ENTHD1: variants seen among roughly 807,000 people sequenced by gnomAD.
ENTHD1 encodes the protein ENTH domain containing 1, also known as ENTH domain-containing protein 1.
ENTHD1 carries 23 observed loss-of-function variants against 39.1 expected under a neutral mutation model. The ratio of observed to expected loss-of-function variants is 0.59; its 90% CI spans 0.42 to 0.83. ENTHD1 has a LOEUF of 0.83. ENTHD1 is among the 40% of genes least tolerant of loss of function. The pLI is 0.00. For synonymous variants in ENTHD1, 230 were observed against 258.2 expected (o/e 0.89, Z 1.05); for missense variants, 624 against 705.4 (o/e 0.88, Z 1.31).
chr22:39,831,955 T>C (rs1005159579), intron 4 of ENTHD1, among the ~76,000 whole-genome samples: 4 of 152,136 alleles, frequency 2.6e-5, no homozygotes, highest in African/African-American at 7.2e-5. Flanking sequence ...CAGGCAGATA[T>C]GAAATAAGTA....
At position 39,853,288 on chromosome 22, in the gene ENTHD1, T is replaced by C. The variant is rs541915135; in HGVS notation, c.592+8477A>G. Among the ~76,000 whole-genome samples the C allele has an allele frequency of 2.0e-5, 3 of 152,074 alleles. No individual in the cohort carries two copies. The East Asian group carries it at 5.8e-4, about 29-fold the overall frequency. Reference sequence around the variant, plus strand: ...AAACTTAAAAATAAAGACCAAAACATTTGGGAGGCCGAGGCAGGCAGATCA... The same window carrying C: ...AAACTTAAAAATAAAGACCAAAACACTTGGGAGGCCGAGGCAGGCAGATCA... On this transcript the variant is annotated intron_variant, in intron 3 of 6. Coordinates refer to ENST00000325157, the MANE Select transcript of ENTHD1 (RefSeq NM_152512.4).
chr22:39,758,965 G>A (rs1569127970), intron 6 of ENTHD1, among the ~76,000 whole-genome samples: 3 of 152,074 alleles, frequency 2.0e-5, no homozygotes. Context: ...ATCCCACTTG[G>A]TCATGATGTA....
chr22:39,783,859 A>G (rs1481376915), intron 5 of ENTHD1, among the ~76,000 whole-genome samples: 2 of 152,178 alleles, frequency 1.3e-5, no homozygotes, highest in Non-Finnish European at 2.9e-5. Flanking sequence ...TTGTGTTAAG[A>G]CCACAAAATC....
intron 6 of ENTHD1, among the ~76,000 whole-genome samples, chr22:39,752,904 T>G (rs531629306): frequency 6.6e-6 from 1 of 152,350 alleles, no homozygotes; most frequent in South Asian, 2.1e-4. Context: ...TTTGCAGAAC[T>G]GTTTTCTACC....
chr22:39,832,764 A>T (rs2065879066), intron 4 of ENTHD1, among the ~76,000 whole-genome samples: 1 of 152,194 alleles, frequency 6.6e-6, no homozygotes, highest in Admixed American at 6.5e-5. Flanking sequence ...CCCCGGGGAG[A>T]CACAGAGCTC....
chr22:39,759,598 C>T (rs1041193931), intron 6 of ENTHD1, among the ~76,000 whole-genome samples: 1 of 151,862 alleles, frequency 6.6e-6, no homozygotes, highest in African/African-American at 2.4e-5. Flanking sequence ...TTGTTGTTTA[C>T]TTCCTTTTAC....
intron 4 of ENTHD1, among the ~76,000 whole-genome samples, chr22:39,835,370 A>C (rs377533949): frequency 7.2e-5 from 11 of 152,166 alleles, no homozygotes; most frequent in Admixed American, 1.3e-4. Flanking sequence ...AATATTGCCT[A>C]TCCACAAGGG....
chr22:39,854,434 T>C (rs1472574572), intron 3 of ENTHD1, among the ~76,000 whole-genome samples: 2 of 152,200 alleles, frequency 1.3e-5, no homozygotes, highest in African/African-American at 4.8e-5. Context: ...GAGCTCTTTA[T>C]GGAAGATCAG....
intron 5 of ENTHD1, among the ~76,000 whole-genome samples, chr22:39,818,769 C>G (rs896041494): frequency 6.6e-6 from 1 of 152,110 alleles, no homozygotes; most frequent in Admixed American, 6.5e-5. Context: ...AAGATGGGTC[C>G]AAGCCAAGTA....
chr22:39,821,326 G>A lies in ENTHD1; in HGVS notation c.712-213C>T, dbSNP rs566003076. 8.5e-5 allele frequency among the ~76,000 whole-genome samples: 13 copies of A among 152,196 alleles called. No individual in the cohort carries two copies. In the South Asian group the frequency reaches 2.3e-3, roughly 27 times the overall value. On this transcript the variant is annotated intron_variant, in intron 4 of 6. Coordinates refer to ENST00000325157, the MANE Select transcript of ENTHD1 (RefSeq NM_152512.4). ...ATCCCCAGACCTTGCTGAAGACACC[G>A]TCGGTAGATAGCAAGGATTTTGCTT...
At chr22:39,780,998 C>CA (rs370342913) in intron 5 of ENTHD1, among the ~76,000 whole-genome samples, 9,106 of 124,762 alleles carry the variant, frequency 0.073, 419 homozygotes, top group South Asian at 0.14. Context: ...GACTCCATCT[C>CA]AAAAAAAAAA....
At chr22:39,762,576 A>T (rs768627800) in intron 6 of ENTHD1, among the ~76,000 whole-genome samples, 15 of 152,060 alleles carry the variant, frequency 9.9e-5, no homozygotes, top group Non-Finnish European at 1.2e-4. Context: ...CTCAGCTTCC[A>T]GGGTAGCTAG....
At chr22:39,805,685 C>G (rs969401590) in intron 5 of ENTHD1, among the ~76,000 whole-genome samples, 1 of 152,102 alleles carries the variant, frequency 6.6e-6, no homozygotes, top group Non-Finnish European at 1.5e-5. Context: ...AGGTCGTTCT[C>G]AAGAGCAAGA....
intron 5 of ENTHD1, among the ~76,000 whole-genome samples, chr22:39,770,459 A>T (rs912197002): frequency 6.6e-6 from 1 of 151,874 alleles, no homozygotes; most frequent in African/African-American, 2.4e-5. Context: ...TAACATTAGC[A>T]CCCGCCAACA....
At chr22:39,831,825 T>A (rs1167596845) in intron 4 of ENTHD1, among the ~76,000 whole-genome samples, 1 of 151,862 alleles carries the variant, frequency 6.6e-6, no homozygotes, top group African/African-American at 2.4e-5. Flanking sequence ...AAATTCTGTC[T>A]CAAAAAACAA....
chr22:39,789,001 A>G (rs779780054), intron 5 of ENTHD1, among the ~76,000 whole-genome samples: 3 of 152,236 alleles, frequency 2.0e-5, no homozygotes, highest in African/African-American at 4.8e-5. Flanking sequence ...GTGGGAGACC[A>G]GAAAATATGT....
chr22:39,811,700 C>T (rs1471026610), intron 5 of ENTHD1, among the ~76,000 whole-genome samples: 2 of 152,196 alleles, frequency 1.3e-5, no homozygotes, highest in Admixed American at 1.3e-4. Flanking sequence ...TAGATGAGGG[C>T]TGGGTGTGAT....
At position 39,743,738 on chromosome 22, in the gene ENTHD1, G is replaced by C. The variant is rs1332194755; in HGVS notation, c.1765C>G (p.Gln589Glu). 3 of 1,613,970 alleles carry C rather than the reference G, an allele frequency of 1.9e-6. No individual in the cohort carries two copies. In the African/African-American group the frequency reaches 4.0e-5, roughly 22 times the overall value. ...ILMSMSLNSS[Q>E]ISQSSQVPQS... is the part of the protein sequence containing the mutation. ...GGGACCTGGGAAGACTGGCTTATTT[G>C]TGAACTATTCAGACTCATGCTCATC... Residue 589 changes from glutamine (Q) to glutamate (E), a missense_variant, in exon 7 of 7, where the codon CAA (glutamine) becomes GAA (glutamate). Coordinates refer to ENST00000325157, the MANE Select transcript of ENTHD1 (RefSeq NM_152512.4).
intron 5 of ENTHD1, among the ~76,000 whole-genome samples, chr22:39,806,931 T>A (rs942155668): frequency 4.0e-5 from 6 of 151,756 alleles, no homozygotes; most frequent in Non-Finnish European, 7.4e-5. Context: ...GAGAATATGG[T>A]GTTTGGGGGA....
Sources: gnomAD v4.1 joint callset for allele counts (sites outside exome capture counted in the v4.1 genomes callset) on GRCh38, gnomAD v4.1.1 for gene constraint, MANE v1.5 for transcripts, NCBI Gene and HGNC (gene_info 2026-07-23, HGNC 2026-07-21) for gene names.